ESR1: variants seen among roughly 807,000 people sequenced by gnomAD.
The protein encoded by ESR1 is estrogen receptor.
A neutral mutation model predicts 52.7 loss-of-function variants in ESR1; 12 were observed. That is an observed-to-expected ratio of 0.23 (90% CI 0.15 to 0.37). The LOEUF (loss-of-function observed/expected upper bound fraction) is 0.37, where lower values mean the gene tolerates loss of function less well. Ranked by LOEUF, ESR1 falls within the 10% of genes least tolerant of loss-of-function variation. The probability of loss-of-function intolerance (pLI) is 1.00; values close to 1 mark genes in which losing one functional copy is unlikely to be tolerated. For synonymous variants in ESR1, 305 were observed against 316.8 expected, an observed-to-expected ratio of 0.96 and a Z score of 0.39; for missense variants, 584 against 779.7, an observed-to-expected ratio of 0.75 and a Z score of 2.99.
chr6:151,918,756 A>T (rs1416034830), intron 3 of ESR1, among the ~76,000 whole-genome samples: 1 of 152,208 alleles, frequency 6.6e-6, no homozygotes, highest in Non-Finnish European at 1.5e-5. Flanking sequence ...CCTTCTCACT[A>T]TTAACAGATT....
chr6:152,057,697 A>G (rs1035486703), intron 5 of ESR1, among the ~76,000 whole-genome samples: 1 of 74,594 alleles, frequency 1.3e-5, no homozygotes, highest in Non-Finnish European at 2.3e-5. Flanking sequence ...ACATGCATAC[A>G]CACACACACA....
intron 4 of ESR1, among the ~76,000 whole-genome samples, chr6:152,006,309 C>T (rs1011007307): frequency 3.3e-5 from 5 of 151,610 alleles, no homozygotes; most frequent in Non-Finnish European, 5.9e-5. Context: ...GTCCTGTTAT[C>T]GAAGATATCT....
At chr6:151,857,315 T>A (rs1244659186) in intron 2 of ESR1, among the ~76,000 whole-genome samples, 1 of 152,148 alleles carries the variant, frequency 6.6e-6, no homozygotes, top group African/African-American at 2.4e-5. Context: ...TTTTAAGCTA[T>A]ATGGGATGAT....
At chr6:151,708,898 T>C (rs1303605411) in intron 2 of ESR1, among the ~76,000 whole-genome samples, 4 of 152,208 alleles carry the variant, frequency 2.6e-5, no homozygotes, top group Non-Finnish European at 4.4e-5. Context: ...GAGATATATA[T>C]ATCACACGTT....
intron 2 of ESR1, among the ~76,000 whole-genome samples, chr6:151,777,125 T>C (rs1007494386): frequency 4.7e-5 from 7 of 149,542 alleles, no homozygotes; most frequent in Admixed American, 4.0e-4. Flanking sequence ...TTTCTTTTCT[T>C]TTTTTTTTTG....
At chr6:151,746,573 A>T (rs1402903394) in intron 2 of ESR1, among the ~76,000 whole-genome samples, 1 of 152,232 alleles carries the variant, frequency 6.6e-6, no homozygotes, top group Admixed American at 6.5e-5. Context: ...TAGTGATTAC[A>T]TGTGATATGG....
At chr6:151,973,606 C>A (rs1236743037) in intron 4 of ESR1, among the ~76,000 whole-genome samples, 1 of 152,168 alleles carries the variant, frequency 6.6e-6, no homozygotes, top group Admixed American at 6.6e-5. Context: ...CGCAGGCCCT[C>A]TGTCTACCCC....
intron 2 of ESR1, among the ~76,000 whole-genome samples, chr6:151,792,786 A>C (rs902842942): frequency 6.6e-6 from 1 of 152,184 alleles, no homozygotes; most frequent in Non-Finnish European, 1.5e-5. Flanking sequence ...AATAACACTT[A>C]GTTTGAAACA....
At chr6:151,778,303 T>C (rs1786207047) in intron 2 of ESR1, among the ~76,000 whole-genome samples, 1 of 152,158 alleles carries the variant, frequency 6.6e-6, no homozygotes, top group African/African-American at 2.4e-5. Context: ...GAAGAATTTC[T>C]GGAGATGGAC....
chr6:151,992,190 C>T (rs1017030775), intron 4 of ESR1, among the ~76,000 whole-genome samples: 1 of 152,140 alleles, frequency 6.6e-6, no homozygotes, highest in African/African-American at 2.4e-5. Context: ...ACCATTTTCA[C>T]CTCTTGAAGT....
chr6:151,958,155 A>G (rs2037216993), intron 4 of ESR1, among the ~76,000 whole-genome samples: 1 of 152,268 alleles, frequency 6.6e-6, no homozygotes, highest in African/African-American at 2.4e-5. Flanking sequence ...TTGGTGGGCA[A>G]ATAGCAGTCC....
At chr6:151,672,254 T>C (rs1028812568) in intron 1 of ESR1, among the ~76,000 whole-genome samples, 2 of 152,060 alleles carry the variant, frequency 1.3e-5, no homozygotes, top group Non-Finnish European at 2.9e-5. Context: ...TACCCAAAAA[T>C]ATATGCGGTT....
chr6:151,658,455 A>C (rs1226334244), intron 1 of ESR1, among the ~76,000 whole-genome samples: 1 of 152,186 alleles, frequency 6.6e-6, no homozygotes, highest in Non-Finnish European at 1.5e-5. Context: ...AATATTCCTC[A>C]TTCAATAAAA....
upstream of ESR1, among the ~76,000 whole-genome samples, chr6:151,799,686 A>G (rs1395814110): frequency 1.3e-5 from 2 of 152,238 alleles, no homozygotes; most frequent in African/African-American, 4.8e-5. Flanking sequence ...TAAGTAGTAT[A>G]ATGAGAATGT....
At chr6:152,051,242 C>G (rs867335057) in intron 5 of ESR1, among the ~76,000 whole-genome samples, 1 of 152,254 alleles carries the variant, frequency 6.6e-6, no homozygotes, top group East Asian at 1.9e-4. Flanking sequence ...AGATTACCTT[C>G]TAGAATTTCT....
intron 6 of ESR1, among the ~76,000 whole-genome samples, chr6:152,114,827 C>G (rs2051189636): frequency 7.8e-6 from 1 of 128,870 alleles, no homozygotes; most frequent in African/African-American, 2.9e-5. Flanking sequence ...GGAGGCGGAG[C>G]TTGCAGTGAG....
rs1450808346 is a variant in ESR1 at position 152,053,587 on chromosome 6, T to G, written c.1236-7404T>G. ...CTCAATCCCTCTCTCCCTCTTTCTC[T>G]CTCTCAATCTGTTTCTCTGTTAATC... On this transcript the variant is annotated intron_variant, in intron 5 of 7. Coordinates refer to ENST00000206249, the MANE Select transcript of ESR1 (RefSeq NM_000125.4). This position sits in a 1 kb window ranked among gnomAD's most constrained non-coding sequence, Gnocchi z 4.1. 6.6e-6 allele frequency among the ~76,000 whole-genome samples: 1 copy of G among 151,820 alleles called. No individual in the cohort carries two copies. The highest frequency in any genetic ancestry group is 1.5e-5 in the Non-Finnish European group (1 of 67,948).
At chr6:151,666,599 T>C (rs1018655773) in intron 1 of ESR1, among the ~76,000 whole-genome samples, 3 of 152,100 alleles carry the variant, frequency 2.0e-5, no homozygotes. Flanking sequence ...CTTCTGGCCT[T>C]AGCACATCTG....
chr6:151,658,009 T>A (rs1562313952), intron 1 of ESR1, among the ~76,000 whole-genome samples: 1 of 152,198 alleles, frequency 6.6e-6, no homozygotes, highest in Admixed American at 6.5e-5. Flanking sequence ...TTTTGTAGGC[T>A]AGTTTTGTTT....
Sources: allele counts gnomAD v4.1 joint callset (sites outside exome capture counted in the v4.1 genomes callset), GRCh38; gene constraint gnomAD v4.1.1; non-coding constraint Gnocchi (gnomAD v3.1); transcripts MANE v1.5; gene names NCBI Gene and HGNC (gene_info 2026-07-23, HGNC 2026-07-21).